The following PTPRC variants were observed in gnomAD, a reference collection of about 807,000 sequenced individuals.
PTPRC encodes protein tyrosine phosphatase receptor type C.
Under a neutral mutation model 155.9 loss-of-function variants are expected in PTPRC, and 44 were observed. The observed-to-expected ratio is 0.28, with a 90% CI of 0.22 to 0.36. The LOEUF is 0.36. PTPRC is among the 10% of genes least tolerant of loss of function. PTPRC has a pLI of 1.00. For synonymous variants in PTPRC, 525 were observed against 533.1 expected (o/e 0.98, Z 0.21); for missense variants, 1,401 against 1,564.6 (o/e 0.90, Z 1.76).
intron 2 of PTPRC, among the ~76,000 whole-genome samples, chr1:198,683,345 C>T (rs966153546): frequency 3.3e-5 from 5 of 151,998 alleles, no homozygotes; most frequent in African/African-American, 9.7e-5. Context: ...TAATGATGAT[C>T]GTAACCTATC....
intron 10 of PTPRC, 110 bp from the exon 11 acceptor site, chr1:198,709,577 T>A: frequency 1.0e-6 from 1 of 981,998 alleles, no homozygotes. Flanking sequence ...TCCACAGATG[T>A]TTCAATCTGA....
chr1:198,702,776 G>A lies in PTPRC; in HGVS notation c.583+246G>A, dbSNP rs138900185. Among the ~76,000 whole-genome samples, 518 of 152,250 alleles carry A rather than the reference G, an allele frequency of 3.4e-3. 1 individual carries two copies. Among genetic ancestry groups the A allele is most frequent in the Middle Eastern group, 6.8e-3 (2 of 294 alleles). ...AGAAGAATCAATAATAGGCCTTAAT[G>A]TCATATAGCTCTGGGATCAAATCCA... On this transcript the variant is annotated intron_variant, in intron 6 of 32. Coordinates refer to ENST00000442510, the MANE Select transcript of PTPRC (RefSeq NM_002838.5).
At chr1:198,730,271 T>A (rs1417489483) in intron 17 of PTPRC, among the ~76,000 whole-genome samples, 2 of 152,152 alleles carry the variant, frequency 1.3e-5, no homozygotes, top group Non-Finnish European at 2.9e-5. Context: ...CAGGTCTCTA[T>A]GCAGAAACTT....
At chr1:198,707,071 T>G in intron 9 of PTPRC, 119 bp downstream of exon 9, 1 of 801,420 alleles carries the variant, frequency 1.2e-6, no homozygotes, top group Non-Finnish European at 2.0e-6. Context: ...GGAAAGGAAA[T>G]TCCTTGGAAA....
At chr1:198,702,639 C>A in intron 6 of PTPRC, 109 bp downstream of exon 6, 1 of 1,470,356 alleles carries the variant, frequency 6.8e-7, no homozygotes, top group Non-Finnish European at 9.5e-7. Flanking sequence ...TGTAGGTTTC[C>A]CATTTTACAA....
chr1:198,700,125 A>C (rs1400364928), intron 5 of PTPRC: 1 of 203,632 alleles, frequency 4.9e-6, no homozygotes, highest in African/African-American at 2.4e-5. Flanking sequence ...AACCACAATG[A>C]AACTGTTATT....
chr1:198,745,108 A>C (rs1034027203), intron 26 of PTPRC, among the ~76,000 whole-genome samples: 1 of 151,914 alleles, frequency 6.6e-6, no homozygotes, highest in Non-Finnish European at 1.5e-5. Context: ...ACATAAACAC[A>C]TAAGCTGTTA....
intron 2 of PTPRC, among the ~76,000 whole-genome samples, chr1:198,662,898 T>C (rs758500340): frequency 2.6e-5 from 4 of 152,194 alleles, no homozygotes; most frequent in Non-Finnish European, 5.9e-5. Context: ...CACGCTTTCA[T>C]TCTGAACTAA....
At chr1:198,714,277 T>G (rs1310591631) in intron 12 of PTPRC, among the ~76,000 whole-genome samples, 1 of 152,176 alleles carries the variant, frequency 6.6e-6, no homozygotes, top group Non-Finnish European at 1.5e-5. Flanking sequence ...TAGAGAGTAT[T>G]GTCGATGTCA....
In PTPRC at chr1:198,749,495, T is replaced by C. The variant is rs1451324443; in HGVS notation, c.3018T>C (p.Asp1006=). Residue 1006 remains aspartate (D), a synonymous_variant, in exon 28 of 33, where the codon GAT becomes GAC. Transcript: ENST00000442510. ...AGCATGATTCAGATGAATCCTCTGA[T>C]GATGACAGTGATTCAGAGGAACCAA... ...ESEHDSDESS[D]DDSDSEEPSK... The C allele has an allele frequency of 6.2e-7, 1 of 1,610,016 alleles. No homozygotes were observed. Among genetic ancestry groups the C allele is most frequent in the Admixed American group, 1.7e-5 (1 of 59,748 alleles).
chr1:198,694,665 A>G (rs551467400), intron 3 of PTPRC: 1 of 982,638 alleles, frequency 1.0e-6, no homozygotes, highest in South Asian at 4.7e-5. Context: ...CAAGTCTATA[A>G]TGATGACAGT....
At position 198,756,395 on chromosome 1, in the gene PTPRC, CTT is replaced by C. The variant is rs1655665967; in HGVS notation, c.*215_*216del. 1.6e-6 allele frequency: 1 copy of C among 628,468 alleles called. No homozygotes were observed. The allele number at this position is 628,468 out of a possible 1,614,324, so 38.9% of individuals were successfully genotyped here. On this transcript the variant is annotated 3_prime_UTR_variant, in exon 33 of 33. Coordinates refer to ENST00000442510, the MANE Select transcript of PTPRC (RefSeq NM_002838.5). The stretch of plus-strand genomic sequence containing the variant: ...GTATGCTTATTTTAAAATTTTATCT[CTT>C]ATTCAGTAAAAAACAACTTCTTTGT...
intron 2 of PTPRC, among the ~76,000 whole-genome samples, chr1:198,642,449 G>A (rs1035949333): frequency 1.2e-4 from 18 of 151,276 alleles, no homozygotes; most frequent in African/African-American, 4.1e-4. Context: ...TCAGACCTTC[G>A]CCTGTGTTCT....
chr1:198,724,314 G>A (rs975258554), intron 15 of PTPRC, among the ~76,000 whole-genome samples: 3 of 152,080 alleles, frequency 2.0e-5, no homozygotes, highest in Admixed American at 2.0e-4. Flanking sequence ...GGGTTTCCCC[G>A]GCATAATATT....
intron 12 of PTPRC, among the ~76,000 whole-genome samples, chr1:198,714,069 G>A (rs1653443279): frequency 6.6e-6 from 1 of 152,110 alleles, no homozygotes; most frequent in Admixed American, 6.5e-5. Context: ...AAATTTAAAA[G>A]TTAAGTCTAT....
chr1:198,724,029 A>T (rs1654014515), intron 15 of PTPRC, among the ~76,000 whole-genome samples: 1 of 152,172 alleles, frequency 6.6e-6, no homozygotes, highest in South Asian at 2.1e-4. Context: ...CTCCCTGTTC[A>T]GGTGTAGTTT....
intron 21 of PTPRC, 36 bp from the exon 22 acceptor site, chr1:198,734,292 A>T: frequency 1.2e-6 from 2 of 1,609,810 alleles, no homozygotes; most frequent in Non-Finnish European, 1.7e-6. Context: ...TTTTAAGAAA[A>T]TTTTTCTTAT....
At chr1:198,678,151 G>A (rs1057036082) in intron 2 of PTPRC, among the ~76,000 whole-genome samples, 40 of 152,146 alleles carry the variant, frequency 2.6e-4, no homozygotes, top group African/African-American at 9.7e-4. Flanking sequence ...ACAAACTATA[G>A]CAAGAGTAAA....
Position 198,702,542 on chromosome 1 carries a change from C to T in PTPRC, c.583+12C>T. ...AGCGAACACCTCAGGTCTGACTATG[C>T]TGCTCTAGTAGTGTCTTCAGTTATA... On this transcript the variant is annotated intron_variant, in intron 6 of 32. Transcript: ENST00000442510. The T allele has an allele frequency of 6.2e-7, 1 of 1,614,102 alleles. No homozygotes were observed. The highest frequency in any genetic ancestry group is 8.5e-7 in the Non-Finnish European group (1 of 1,179,962).
Sources: allele counts gnomAD v4.1 joint callset (sites outside exome capture counted in the v4.1 genomes callset), GRCh38; gene constraint gnomAD v4.1.1; transcripts MANE v1.5; gene names NCBI Gene and HGNC (gene_info 2026-07-23, HGNC 2026-07-21).